Variants in GFPT2 observed in about 807,000 individuals in gnomAD.
GFPT2 encodes the protein glutamine--fructose-6-phosphate aminotransferase [isomerizing] 2.
A neutral mutation model predicts 85.6 loss-of-function variants in GFPT2; 62 were observed. That is an observed-to-expected ratio of 0.72 (90% CI 0.59 to 0.90). The LOEUF (loss-of-function observed/expected upper bound fraction) is 0.90. GFPT2 is among the 40% of genes least tolerant of loss of function. GFPT2 has a pLI of 0.00. For missense variants in GFPT2, 788 were observed against 893.4 expected (o/e 0.88, Z 1.50); for synonymous variants, 368 against 344.5 (o/e 1.07, Z -0.75).
chr5:180,317,230 A>T (rs1313511240), intron 10 of GFPT2, among the ~76,000 whole-genome samples, 172 bp from the exon 11 acceptor site: 1 of 152,200 alleles, frequency 6.6e-6, no homozygotes. Context: ...AGGAACCAGG[A>T]CTATCTCCAA....
Position 180,313,848 on chromosome 5 carries a change from G to T in GFPT2, c.1390C>A (p.His464Asn), listed in dbSNP as rs562345769. 5 of 1,594,940 alleles carry T rather than the reference G, an allele frequency of 3.1e-6. No individual in the cohort carries two copies. The South Asian group carries it at 5.6e-5, about 18-fold the overall frequency. ...CCGATCTCCGGCCCTGCGTTGATGT[G>T]GACGCCGCAGTCGGTCTCGCGAGAG... is the stretch of plus-strand genomic sequence containing the variant. ...SISRETDCGV[H>N]INAGPEIGVA... The change falls in exon 14 of 19, where the codon CAC becomes AAC. Residue 464 changes from histidine (H) to asparagine (N), a missense_variant. Physicochemically the swap from His to Asn is moderately conservative, Grantham distance 68. Transcript: ENST00000253778.
rs748473714 is a variant in GFPT2 at position 180,313,867 on chromosome 5, G to A, written c.1371C>T (p.Arg457=). The A allele has an allele frequency of 1.2e-6, 2 of 1,603,894 alleles. No individual in the cohort carries two copies. Among genetic ancestry groups the A allele is most frequent in the African/African-American group, 1.3e-5 (1 of 74,794 alleles). The stretch of plus-strand genomic sequence containing the variant: ...TGATGTGGACGCCGCAGTCGGTCTC[G>A]CGAGAGATGGAGCTGCCCACGGTGT... ...VTNTVGSSIS[R]ETDCGVHINA... Residue 457 remains arginine (R), a synonymous_variant, in exon 14 of 19, where the codon CGC becomes CGT. Coordinates refer to ENST00000253778, the MANE Select transcript of GFPT2 (RefSeq NM_005110.4).
At position 180,330,684 on chromosome 5, in the gene GFPT2, G is replaced by C. The variant is rs1033449072; in HGVS notation, c.534+16C>G. 2 of 1,600,880 alleles carry C rather than the reference G, an allele frequency of 1.2e-6. No homozygotes were observed. Among genetic ancestry groups the C allele is most frequent in the Admixed American group, 3.3e-5 (2 of 59,784 alleles). On this transcript the variant is annotated intron_variant, in intron 6 of 18. Transcript: ENST00000253778. This position sits in a 1 kb window ranked among gnomAD's most constrained non-coding sequence, Gnocchi z 4.4. Reference sequence around the variant, plus strand: ...GAATGAAGGAATGAGTTAGACAGATGGGATTTGTAACTCACCAACTGCTGA... The same window carrying C: ...GAATGAAGGAATGAGTTAGACAGATCGGATTTGTAACTCACCAACTGCTGA...
chr5:180,327,844 G>A (rs1764237090), intron 7 of GFPT2, among the ~76,000 whole-genome samples: 1 of 152,054 alleles, frequency 6.6e-6, no homozygotes, highest in African/African-American at 2.4e-5. Flanking sequence ...TTGAGCCCCG[G>A]GCCTTCAAGG....
intron 16 of GFPT2, among the ~76,000 whole-genome samples, chr5:180,306,641 C>A (rs921095875): frequency 1.3e-5 from 2 of 152,158 alleles, no homozygotes; most frequent in African/African-American, 4.8e-5. Flanking sequence ...TTAATTCCTG[C>A]AGGATCTCAA....
At chr5:180,349,639 G>C (rs1411815184) in intron 1 of GFPT2, among the ~76,000 whole-genome samples, 1 of 152,068 alleles carries the variant, frequency 6.6e-6, no homozygotes, top group Admixed American at 6.5e-5. Flanking sequence ...CAGAGCCTCT[G>C]GAGGAGGCTC....
chr5:180,330,637 G>GA lies in GFPT2; in HGVS notation c.534+62dup, dbSNP rs878892490. 6.2e-5 allele frequency: 88 copies of GA among 1,415,500 alleles called. 2 individuals carry two copies. The South Asian group carries it at 8.6e-4, about 14-fold the overall frequency. 87.7% of individuals were successfully genotyped at this position (1,415,500 alleles called of 1,614,324 possible). The stretch of plus-strand genomic sequence containing the variant: ...AAGGATTCCTTGGCACTTGCTGCTT[G>GA]AAAAAAATGTTTTTAATGAAAGAAT... On this transcript the variant is annotated intron_variant, in intron 6 of 18. Coordinates refer to ENST00000253778, the MANE Select transcript of GFPT2 (RefSeq NM_005110.4). The surrounding 1 kb of genome is among the most constrained non-coding windows in gnomAD (Gnocchi z 4.4).
At chr5:180,309,716 T>C (rs1763841904) in intron 15 of GFPT2, among the ~76,000 whole-genome samples, 1 of 151,842 alleles carries the variant, frequency 6.6e-6, no homozygotes, top group South Asian at 2.1e-4. Context: ...CTGGCCCCAG[T>C]AGAAAGGCGC....
intron 1 of GFPT2, among the ~76,000 whole-genome samples, chr5:180,345,025 AG>A (rs1216242072): frequency 6.6e-6 from 1 of 152,172 alleles, no homozygotes; most frequent in Non-Finnish European, 1.5e-5. Context: ...CTCGAACCCC[AG>A]CTCCACCCCT....
chr5:180,312,077 GAGGACC>G (rs1160098475), intron 15 of GFPT2, among the ~76,000 whole-genome samples: 2,910 of 83,258 alleles, frequency 0.035, 748 homozygotes, highest in African/African-American at 0.054. Context: ...CGGGGAGGCT[GAGGACC>G]AGGGAGGCAG....
intron 1 of GFPT2, among the ~76,000 whole-genome samples, chr5:180,350,064 C>A (rs960588071): frequency 3.3e-5 from 5 of 152,114 alleles, no homozygotes; most frequent in Non-Finnish European, 7.4e-5. Flanking sequence ...CTCCTCTCTG[C>A]AGGGCCCGTG....
rs551731397 is a variant in GFPT2 at position 180,301,553 on chromosome 5, C to T, written c.*11G>A. On this transcript the variant is annotated 3_prime_UTR_variant, in exon 19 of 19. Transcript: ENST00000253778. Reference sequence around the variant, plus strand: ...ATGAAAGGTGGTGATGGTCTTGTCACGGTCTCAGCCTCATTCCACAGTTAC... The same window carrying T: ...ATGAAAGGTGGTGATGGTCTTGTCATGGTCTCAGCCTCATTCCACAGTTAC... The T allele has an allele frequency of 1.2e-5, 19 of 1,607,890 alleles. No individual in the cohort carries two copies. Among genetic ancestry groups the T allele is most frequent in the Middle Eastern group, 1.6e-4 (1 of 6,074 alleles).
chr5:180,307,668 G>A (rs142065588), intron 15 of GFPT2, among the ~76,000 whole-genome samples: 5 of 152,248 alleles, frequency 3.3e-5, no homozygotes, highest in Admixed American at 6.5e-5. Context: ...CTCAAGACAA[G>A]GCCCCTGTAA....
intron 1 of GFPT2, among the ~76,000 whole-genome samples, chr5:180,342,265 T>C (rs1764531082): frequency 6.6e-6 from 1 of 152,204 alleles, no homozygotes; most frequent in Non-Finnish European, 1.5e-5. Context: ...CTAATACATC[T>C]TTTAATGTCA....
intron 9 of GFPT2, among the ~76,000 whole-genome samples, chr5:180,322,214 T>C (rs1764134467): frequency 6.6e-6 from 1 of 151,932 alleles, no homozygotes; most frequent in Admixed American, 6.6e-5. Context: ...AAATAGCTAC[T>C]CTGGAAGCTG....
At chr5:180,315,252 A>G (rs35690024) in intron 13 of GFPT2, among the ~76,000 whole-genome samples, 7,425 of 150,190 alleles carry the variant, frequency 0.049, 535 homozygotes, top group African/African-American at 0.16. Context: ...ATCTCAGCTC[A>G]CTGCAAGCTC....
At chr5:180,335,794 T>C in intron 4 of GFPT2, 34 bp downstream of exon 4, 1 of 1,593,456 alleles carries the variant, frequency 6.3e-7, no homozygotes. Flanking sequence ...CAGGGTGAGG[T>C]GGAACCATGG....
At chr5:180,332,496 AT>A (rs529754948) in intron 4 of GFPT2, among the ~76,000 whole-genome samples, 258 of 151,926 alleles carry the variant, frequency 1.7e-3, no homozygotes, top group African/African-American at 5.6e-3. Context: ...AATATTGACT[AT>A]TTTTTTCAAA....
chr5:180,351,727 GC>G (rs1764715359), intron 1 of GFPT2, among the ~76,000 whole-genome samples: 3 of 152,168 alleles, frequency 2.0e-5, no homozygotes, highest in African/African-American at 4.8e-5. Context: ...AGGAGGTAGA[GC>G]CCCCCCAAAG....
Sources: allele counts gnomAD v4.1 joint callset (sites outside exome capture counted in the v4.1 genomes callset), GRCh38; gene constraint gnomAD v4.1.1; non-coding constraint Gnocchi (gnomAD v3.1); transcripts MANE v1.5; gene names NCBI Gene and HGNC (gene_info 2026-07-23, HGNC 2026-07-21).